The following FAT3 variants were observed in gnomAD, a reference collection of about 807,000 sequenced individuals.
FAT3 encodes the protein FAT atypical cadherin 3, also known as protocadherin Fat 3.
Under a neutral mutation model 310.2 loss-of-function variants are expected in FAT3, and 95 were observed. The ratio of observed to expected loss-of-function variants is 0.31; its 90% CI spans 0.26 to 0.36. The LOEUF (loss-of-function observed/expected upper bound fraction) is 0.36. Among genes scored for constraint, FAT3 ranks in the 10% least tolerant of loss-of-function variants. The pLI is 1.00. For synonymous variants in FAT3, 2,314 were observed against 2,192.9 expected (o/e 1.06, Z -1.54); for missense variants, 5,408 against 5,715.6 (o/e 0.95, Z 1.74).
intron 1 of FAT3, among the ~76,000 whole-genome samples, chr11:92,235,206 C>T (rs1482976436): frequency 6.6e-6 from 1 of 152,208 alleles, no homozygotes; most frequent in African/African-American, 2.4e-5. Flanking sequence ...CCCCTCATCT[C>T]TCAGGGCCTC....
rs1344215849 is a variant in FAT3 at position 92,798,414 on chromosome 11, A to G, written c.5401A>G (p.Thr1801Ala). The part of the protein sequence containing the change: ...LDNSPLVIRA[T>A]DADSNRNALL... Reference sequence around the variant, plus strand: ...TAACAGCCCACTGGTGATTCGAGCCACAGATGCTGACAGCAACCGGAATGC... The same window carrying G: ...TAACAGCCCACTGGTGATTCGAGCCGCAGATGCTGACAGCAACCGGAATGC... The change falls in exon 10 of 28, where the codon ACA becomes GCA. Residue 1801 changes from threonine (T) to alanine (A), a missense_variant. Thr to Ala is a moderately conservative substitution (Grantham distance 58). Transcript: ENST00000525166. 6.2e-7 allele frequency: 1 copy of G among 1,613,236 alleles called. No homozygotes were observed. Among genetic ancestry groups the G allele is most frequent in the Non-Finnish European group, 8.5e-7 (1 of 1,179,770 alleles).
intron 2 of FAT3, among the ~76,000 whole-genome samples, chr11:92,374,145 C>T (rs1949274662): frequency 6.6e-6 from 1 of 151,912 alleles, no homozygotes; most frequent in Admixed American, 6.6e-5. Context: ...ATTAATCTTC[C>T]TTACTTAGCC....
chr11:92,793,577 A>G (rs965117329), intron 9 of FAT3, among the ~76,000 whole-genome samples: 1 of 152,198 alleles, frequency 6.6e-6, no homozygotes, highest in East Asian at 1.9e-4. Context: ...AACATCTATA[A>G]GGTAAGATCA....
intron 3 of FAT3, among the ~76,000 whole-genome samples, chr11:92,581,627 T>C (rs768094664): frequency 6.6e-6 from 1 of 152,038 alleles, no homozygotes; most frequent in Non-Finnish European, 1.5e-5. Flanking sequence ...TGTATCATCT[T>C]ACCAGTTAGC....
chr11:92,739,191 T>G (rs1313024601), intron 4 of FAT3, among the ~76,000 whole-genome samples: 1 of 152,178 alleles, frequency 6.6e-6, no homozygotes, highest in Non-Finnish European at 1.5e-5. Flanking sequence ...TTATCTGATT[T>G]CAAAACCAAA....
intron 3 of FAT3, among the ~76,000 whole-genome samples, chr11:92,610,790 C>T (rs1391359619): frequency 6.6e-6 from 1 of 152,164 alleles, no homozygotes; most frequent in Non-Finnish European, 1.5e-5. Flanking sequence ...AGACCATGTT[C>T]ATCCTGCTCA....
At chr11:92,816,287 G>T (rs1158559137) in intron 13 of FAT3, among the ~76,000 whole-genome samples, 1 of 152,206 alleles carries the variant, frequency 6.6e-6, no homozygotes, top group Non-Finnish European at 1.5e-5. Flanking sequence ...TGAAGGACAG[G>T]TCAGTGCGAG....
chr11:92,626,314 T>C (rs1270445391), intron 3 of FAT3, among the ~76,000 whole-genome samples: 1 of 152,214 alleles, frequency 6.6e-6, no homozygotes, highest in Non-Finnish European at 1.5e-5. Flanking sequence ...CCTGATTTAA[T>C]TCCCTGATTT....
intron 2 of FAT3, among the ~76,000 whole-genome samples, chr11:92,426,249 T>G (rs900742255): frequency 6.6e-6 from 1 of 152,194 alleles, no homozygotes; most frequent in Admixed American, 6.5e-5. Context: ...CTTGTAAATT[T>G]GTTTAAGTTC....
intron 4 of FAT3, among the ~76,000 whole-genome samples, chr11:92,732,344 G>A (rs535566404): frequency 7.4e-4 from 112 of 152,194 alleles, no homozygotes; most frequent in African/African-American, 2.6e-3. Context: ...CCTGGAAGTG[G>A]GATGAGGTTT....
intron 2 of FAT3, among the ~76,000 whole-genome samples, chr11:92,442,950 C>A (rs117668321): frequency 6.6e-6 from 1 of 152,102 alleles, no homozygotes; most frequent in Non-Finnish European, 1.5e-5. Flanking sequence ...CAACTGAAAC[C>A]GTGCATGATA....
At position 92,798,338 on chromosome 11, in the gene FAT3, A is replaced by G. The variant is rs1478082308; in HGVS notation, c.5325A>G (p.Ser1775=). The change falls in exon 10 of 28, where the codon TCA becomes TCG. Residue 1775 remains serine, a synonymous_variant. Transcript: ENST00000525166. ...CAGTTTTTCTCTTTTCTCAATACTC[A>G]GGCAGCCTAAGTGAGGCTGCCCCAA... ...NAPVFLFSQY[S]GSLSEAAPIN... is the part of the protein sequence containing the mutation. The G allele has an allele frequency of 1.2e-6, 2 of 1,613,584 alleles. No individual in the cohort carries two copies. Among genetic ancestry groups the G allele is most frequent in the African/African-American group, 2.7e-5 (2 of 74,914 alleles).
chr11:92,522,701 C>T (rs1003282584), intron 2 of FAT3, among the ~76,000 whole-genome samples: 4 of 152,146 alleles, frequency 2.6e-5, no homozygotes, highest in Admixed American at 6.5e-5. Flanking sequence ...AAGCCAGTAT[C>T]AGCTGGCTTA....
chr11:92,505,072 AG>A (rs1330614236), intron 2 of FAT3, among the ~76,000 whole-genome samples: 1 of 152,070 alleles, frequency 6.6e-6, no homozygotes, highest in Non-Finnish European at 1.5e-5. Context: ...GATGGTTCTG[AG>A]GTATCTGGAG....
At chr11:92,668,137 T>C (rs996129367) in intron 3 of FAT3, among the ~76,000 whole-genome samples, 12 of 152,200 alleles carry the variant, frequency 7.9e-5, no homozygotes, top group African/African-American at 2.7e-4. Context: ...GAAGGCAAGA[T>C]ACCAAAGTTG....
chr11:92,235,515 G>A (rs1274207080), intron 1 of FAT3, among the ~76,000 whole-genome samples: 1 of 152,006 alleles, frequency 6.6e-6, no homozygotes, highest in Non-Finnish European at 1.5e-5. Context: ...TTAACCTTTG[G>A]TCTCCCACTC....
At chr11:92,237,125 G>A (rs930791725) in intron 1 of FAT3, among the ~76,000 whole-genome samples, 1 of 152,124 alleles carries the variant, frequency 6.6e-6, no homozygotes, top group Non-Finnish European at 1.5e-5. Context: ...GGGATATACT[G>A]CATATATTGA....
Position 92,883,478 on chromosome 11 carries a change from A to C in FAT3, c.12937+85A>C, listed in dbSNP as rs991945699. 11 of 1,481,266 alleles carry C rather than the reference A, an allele frequency of 7.4e-6. No individual in the cohort carries two copies. Among genetic ancestry groups the C allele is most frequent in the Non-Finnish European group, 1.0e-5 (11 of 1,105,086 alleles). 91.8% of individuals were successfully genotyped at this position (1,481,266 alleles called of 1,614,324 possible). ...GTGCGAGGACGCTACGGGAAGGGAG[A>C]GAGACCCCGCATGCAGAGCATTCGC... On this transcript the variant is annotated intron_variant, in intron 24 of 27. Transcript: ENST00000525166. This position sits in a 1 kb window ranked among gnomAD's most constrained non-coding sequence, Gnocchi z 4.2.
At chr11:92,497,370 G>A (rs572515626) in intron 2 of FAT3, among the ~76,000 whole-genome samples, 40 of 152,158 alleles carry the variant, frequency 2.6e-4, no homozygotes, top group African/African-American at 7.2e-4. Flanking sequence ...CAACAGATGC[G>A]TAATGAAGAG....
Sources: gnomAD v4.1 joint callset for allele counts (sites outside exome capture counted in the v4.1 genomes callset) on GRCh38, gnomAD v4.1.1 for gene constraint, Gnocchi (gnomAD v3.1) non-coding constraint, MANE v1.5 for transcripts, NCBI Gene and HGNC (gene_info 2026-07-23, HGNC 2026-07-21) for gene names.